EML4: variants seen among roughly 807,000 people sequenced by gnomAD.
The protein encoded by EML4 is EMAP like 4, also known as echinoderm microtubule-associated protein-like 4.
In EML4, 72 loss-of-function variants were observed where a neutral mutation model predicts 129.0. That is an observed-to-expected ratio of 0.56 (90% CI 0.46 to 0.68). EML4 has a LOEUF of 0.68. Ranked by LOEUF, EML4 falls within the 30% of genes least tolerant of loss-of-function variation. The probability of loss-of-function intolerance (pLI) is 0.00; values close to 1 mark genes in which losing one functional copy is unlikely to be tolerated. For missense variants in EML4, 1,363 were observed against 1,190.6 expected, an observed-to-expected ratio of 1.14 and a Z score of -2.13; for synonymous variants, 532 against 405.0, an observed-to-expected ratio of 1.31 and a Z score of -3.77.
chr2:42,251,495 T>TAAGGGTACATCTTCCTGTG (rs1675764783), intron 2 of EML4, among the ~76,000 whole-genome samples: 1 of 152,326 alleles, frequency 6.6e-6, no homozygotes, highest in Admixed American at 6.5e-5. Context: ...TTGAAAGGCC[T>TAAGGGTACATCTTCCTGTG]AAGGGTACAT....
At chr2:42,220,503 G>T (rs551570793) in intron 1 of EML4, among the ~76,000 whole-genome samples, 83 of 152,224 alleles carry the variant, frequency 5.5e-4, no homozygotes, top group Non-Finnish European at 8.4e-4. Context: ...AATGTTGTGT[G>T]TTCTGACTGC....
intron 1 of EML4, among the ~76,000 whole-genome samples, chr2:42,223,582 A>T (rs1192465186): frequency 6.6e-6 from 1 of 152,156 alleles, no homozygotes; most frequent in Non-Finnish European, 1.5e-5. Context: ...CTCCTTGCTT[A>T]CAAGGAAGTA....
At chr2:42,233,499 G>T (rs983870900) in intron 1 of EML4, among the ~76,000 whole-genome samples, 2 of 151,386 alleles carry the variant, frequency 1.3e-5, no homozygotes, top group Non-Finnish European at 2.9e-5. Context: ...AGTAGAGACG[G>T]GGTTTCACCA....
At chr2:42,214,948 C>T (rs1673096758) in intron 1 of EML4, among the ~76,000 whole-genome samples, 1 of 152,100 alleles carries the variant, frequency 6.6e-6, no homozygotes, top group Non-Finnish European at 1.5e-5. Flanking sequence ...CAAGGCCAGC[C>T]TAGATTCAAA....
At chr2:42,227,614 T>A (rs1182395401) in intron 1 of EML4, among the ~76,000 whole-genome samples, 1 of 152,122 alleles carries the variant, frequency 6.6e-6, no homozygotes, top group Non-Finnish European at 1.5e-5. Context: ...CAACACAGGT[T>A]TGAACTGTGT....
chr2:42,292,370 T>C (rs556242448), intron 11 of EML4, among the ~76,000 whole-genome samples: 60 of 152,322 alleles, frequency 3.9e-4, no homozygotes, highest in African/African-American at 1.4e-3. Context: ...GAAACTACCC[T>C]GCCCATCAGC....
At chr2:42,327,311 T>C (rs1669861412) in intron 21 of EML4, among the ~76,000 whole-genome samples, 2 of 152,256 alleles carry the variant, frequency 1.3e-5, no homozygotes, top group African/African-American at 4.8e-5. Context: ...TGAACAGTCA[T>C]GTGCAGGTTT....
intron 7 of EML4, among the ~76,000 whole-genome samples, chr2:42,281,376 G>A (rs1485625517): frequency 2.0e-5 from 3 of 149,534 alleles, no homozygotes; most frequent in East Asian, 1.9e-4. Context: ...CTGGGCGACC[G>A]GGGAAAACTC....
intron 1 of EML4, among the ~76,000 whole-genome samples, chr2:42,185,058 G>A (rs568363227): frequency 6.6e-6 from 1 of 151,892 alleles, no homozygotes; most frequent in East Asian, 1.9e-4. Context: ...GTGACATATT[G>A]GCAAAATCAT....
chr2:42,287,327 C>G (rs76077737), intron 10 of EML4, among the ~76,000 whole-genome samples: 5 of 152,156 alleles, frequency 3.3e-5, no homozygotes, highest in Admixed American at 3.3e-4. Flanking sequence ...AAAGGCAATA[C>G]TTTTGCTACT....
intron 6 of EML4, among the ~76,000 whole-genome samples, chr2:42,267,015 G>T (rs1205259935): frequency 6.6e-6 from 1 of 152,178 alleles, no homozygotes; most frequent in Non-Finnish European, 1.5e-5. Context: ...ACAATGTCAT[G>T]TAGATGTTTA....
chr2:42,330,069 C>G lies in EML4; in HGVS notation c.2808C>G (p.Asp936Glu), dbSNP rs776764624. ...AACAAACTGTGGAGCCAAGTGAAGA[C>G]CACAGCGAGGAGGAGAGTGAAGAGG... ...SLEQTVEPSE[D>E]HSEEESEEGS... is the part of the protein sequence containing the mutation. Residue 936 changes from aspartate to glutamate, a missense_variant, in exon 23 of 23, where the codon GAC (aspartate) becomes GAG (glutamate). Coordinates refer to ENST00000318522, the MANE Select transcript of EML4 (RefSeq NM_019063.5). 1 of 1,613,198 alleles carries G rather than the reference C, an allele frequency of 6.2e-7. No homozygotes were observed. The highest frequency in any genetic ancestry group is 1.1e-5 in the South Asian group (1 of 91,006).
chr2:42,247,420 G>A (rs17671445), intron 2 of EML4, among the ~76,000 whole-genome samples: 14,096 of 152,192 alleles, frequency 0.093, 796 homozygotes, highest in Middle Eastern at 0.22. Flanking sequence ...ACTTATTGTG[G>A]AGGAAAGGTG....
At chr2:42,181,288 T>G (rs972190583) in intron 1 of EML4, among the ~76,000 whole-genome samples, 1 of 152,150 alleles carries the variant, frequency 6.6e-6, no homozygotes, top group South Asian at 2.1e-4. Context: ...AGGTTTCTTA[T>G]TTTTTTATTT....
At chr2:42,255,887 A>G (rs1676111531) in intron 2 of EML4, among the ~76,000 whole-genome samples, 1 of 152,226 alleles carries the variant, frequency 6.6e-6, no homozygotes, top group African/African-American at 2.4e-5. Flanking sequence ...ACTGAGTCCA[A>G]AAATTAAAAA....
intron 1 of EML4, among the ~76,000 whole-genome samples, chr2:42,227,474 T>C (rs1572581897): frequency 1.3e-5 from 1 of 76,876 alleles, no homozygotes; most frequent in East Asian, 3.3e-4. Context: ...CTGTTAAGGC[T>C]TTTTTTTTTT....
At chr2:42,238,695 G>C (rs1247280984) in intron 1 of EML4, among the ~76,000 whole-genome samples, 1 of 151,812 alleles carries the variant, frequency 6.6e-6, no homozygotes, top group Non-Finnish European at 1.5e-5. Flanking sequence ...ATAGCTCACT[G>C]CAGCCTTGAA....
rs566460071 is a variant in EML4 at position 42,291,544 on chromosome 2, C to T, written c.1218+3222C>T. On this transcript the variant is annotated intron_variant, in intron 11 of 22. Transcript: ENST00000318522. ...TCAGCTTCCTGAGTAGTTGGGATTA[C>T]AGGCGTGTGCCACCATGCCCAGCTA... 6.6e-5 allele frequency among the ~76,000 whole-genome samples: 10 copies of T among 152,008 alleles called. No individual in the cohort carries two copies. In the South Asian group the frequency reaches 1.7e-3, roughly 25 times the overall value.
At chr2:42,227,417 T>C (rs1171154914) in intron 1 of EML4, among the ~76,000 whole-genome samples, 2 of 152,044 alleles carry the variant, frequency 1.3e-5, no homozygotes, top group African/African-American at 2.4e-5. Flanking sequence ...TCCATTCTTA[T>C]TTTTTTAAAG....
Sources: gnomAD v4.1 joint callset for allele counts (sites outside exome capture counted in the v4.1 genomes callset) on GRCh38, gnomAD v4.1.1 for gene constraint, MANE v1.5 for transcripts, NCBI Gene and HGNC (gene_info 2026-07-23, HGNC 2026-07-21) for gene names.